The following UPP2 variants were observed in gnomAD, a reference collection of about 807,000 sequenced individuals.
UPP2 encodes uridine phosphorylase 2, also known as UPase 2.
In UPP2, 23 loss-of-function variants were observed where a neutral mutation model predicts 26.7. That is an observed-to-expected ratio of 0.86 (90% confidence interval 0.62 to 1.22). The LOEUF (loss-of-function observed/expected upper bound fraction) is 1.22, where lower values mean the gene tolerates loss of function less well. Ranked by LOEUF, UPP2 falls within the 50% of genes most tolerant of loss-of-function variation. The probability of loss-of-function intolerance (pLI) is 0.00; values close to 1 mark genes in which losing one functional copy is unlikely to be tolerated. For synonymous variants in UPP2, 127 were observed against 141.3 expected (o/e 0.90, Z 0.72); for missense variants, 387 against 396.7 (o/e 0.98, Z 0.21).
intron 2 of UPP2, among the ~76,000 whole-genome samples, chr2:157,999,979 A>G (rs1683379972): frequency 6.6e-6 from 1 of 152,164 alleles, no homozygotes; most frequent in Non-Finnish European, 1.5e-5. Flanking sequence ...GAGAAATGTC[A>G]AAAGTTATTA....
At chr2:158,018,021 G>C (rs1007428220) in intron 3 of UPP2, among the ~76,000 whole-genome samples, 1 of 152,160 alleles carries the variant, frequency 6.6e-6, no homozygotes, top group Admixed American at 6.5e-5. Context: ...TCATTTGGAT[G>C]TAATGATAAT....
intron 3 of UPP2, among the ~76,000 whole-genome samples, chr2:158,048,597 A>G (rs1011174540): frequency 1.3e-5 from 2 of 152,210 alleles, no homozygotes; most frequent in African/African-American, 4.8e-5. Context: ...GAATGAGACT[A>G]TGTCTCAAAC....
rs1683915349 is a variant in UPP2, at chr2:158,135,612, TGAG to T, written c.*727_*729del. ...ATTTTTTCTTGTAAAAAAAGTGTTT[TGAG>T]GAGGCTGTATTTTTTATTCCATTTC... On this transcript the variant is annotated 3_prime_UTR_variant, in exon 7 of 7. Coordinates refer to ENST00000005756, the MANE Select transcript of UPP2 (RefSeq NM_173355.4). 6.6e-6 allele frequency: 1 copy of T among 152,226 alleles called. No individual in the cohort carries two copies. The highest frequency in any genetic ancestry group is 2.4e-5 in the African/African-American group (1 of 41,462). The allele number at this position is 152,226 out of a possible 1,614,324, so 9.4% of individuals were successfully genotyped here. A position where few individuals can be genotyped will look rare whatever the true frequency, so the allele number is the denominator to read the frequency against.
chr2:158,022,106 G>C (rs1292912336), intron 3 of UPP2, among the ~76,000 whole-genome samples: 3 of 151,840 alleles, frequency 2.0e-5, no homozygotes, highest in African/African-American at 7.3e-5. Flanking sequence ...TAGATGAGTG[G>C]CTTCTACATT....
chr2:158,051,104 T>C (rs1041673950), intron 3 of UPP2, among the ~76,000 whole-genome samples: 14 of 151,614 alleles, frequency 9.2e-5, no homozygotes, highest in African/African-American at 3.4e-4. Flanking sequence ...TAAATATATC[T>C]ACTATGCACC....
Position 158,036,459 on chromosome 2 carries a change from C to G in UPP2, c.147+20573C>G, listed in dbSNP as rs139745235. Among the ~76,000 whole-genome samples the G allele has an allele frequency of 2.4e-3, 371 of 152,272 alleles. 7 individuals carry two copies. Among genetic ancestry groups the G allele is most frequent in the East Asian group, 5.6e-3 (29 of 5,174 alleles). ...GACCTCAATACAGAGCTCTCAGCAT[C>G]AGCATTCATCACCAGGCCATTAGTG... On this transcript the variant is annotated intron_variant, in intron 3 of 9. Transcript: ENST00000605860.
intron 3 of UPP2, among the ~76,000 whole-genome samples, chr2:158,083,913 A>C (rs1438508105): frequency 6.7e-6 from 1 of 148,792 alleles, no homozygotes; most frequent in Non-Finnish European, 1.5e-5. Flanking sequence ...ATGGTGATTG[A>C]GTGGCATTTG....
intron 1 of UPP2, among the ~76,000 whole-genome samples, chr2:158,104,728 C>A (rs1336197055): frequency 6.6e-6 from 1 of 151,970 alleles, no homozygotes; most frequent in Non-Finnish European, 1.5e-5. Context: ...TTGAGACCAT[C>A]CTGGCCAACA....
chr2:158,085,791 TG>T (rs1474815285), intron 3 of UPP2, among the ~76,000 whole-genome samples: 3 of 152,206 alleles, frequency 2.0e-5, no homozygotes, highest in Non-Finnish European at 4.4e-5. Context: ...TCTGTTTATG[TG>T]GTGTATCACA....
chr2:158,032,965 A>AG (rs530360098), intron 3 of UPP2, among the ~76,000 whole-genome samples: 1 of 152,064 alleles, frequency 6.6e-6, no homozygotes, highest in South Asian at 2.1e-4. Context: ...ACAGGCTTTT[A>AG]GGGGGAAATT....
At chr2:158,007,196 C>T (rs1045998441) in intron 2 of UPP2, among the ~76,000 whole-genome samples, 1 of 152,184 alleles carries the variant, frequency 6.6e-6, no homozygotes, top group Non-Finnish European at 1.5e-5. Context: ...CATCTTATAA[C>T]CCTATAATAA....
chr2:158,098,928 T>C (rs1250805632), upstream of UPP2, among the ~76,000 whole-genome samples: 1 of 152,210 alleles, frequency 6.6e-6, no homozygotes, highest in African/African-American at 2.4e-5. Flanking sequence ...TAAAAAATTG[T>C]ACACTCTTAA....
intron 2 of UPP2, among the ~76,000 whole-genome samples, chr2:158,109,221 T>G (rs752720441): frequency 1.6e-4 from 24 of 152,110 alleles, no homozygotes; most frequent in Admixed American, 4.6e-4. Flanking sequence ...ATAATCATTA[T>G]TAATACCATT....
chr2:158,114,317 G>GCTC (rs1177738321), intron 2 of UPP2, among the ~76,000 whole-genome samples: 1 of 152,106 alleles, frequency 6.6e-6, no homozygotes, highest in African/African-American at 2.4e-5. Flanking sequence ...GTGCTTCTCT[G>GCTC]CTCCTCTCCC....
At chr2:158,094,540 T>C (rs1343637642) in intron 3 of UPP2, among the ~76,000 whole-genome samples, 1 of 152,240 alleles carries the variant, frequency 6.6e-6, no homozygotes, top group Non-Finnish European at 1.5e-5. Context: ...ACCATGATTA[T>C]ACAACCAAGG....
intron 3 of UPP2, among the ~76,000 whole-genome samples, chr2:158,024,322 C>T (rs116817954): frequency 1.8e-3 from 277 of 152,332 alleles, no homozygotes; most frequent in African/African-American, 6.2e-3. Context: ...TTTAGAATAG[C>T]TTTCTTGCCC....
At chr2:158,024,229 A>G (rs918663100) in intron 3 of UPP2, among the ~76,000 whole-genome samples, 3 of 152,166 alleles carry the variant, frequency 2.0e-5, no homozygotes, top group African/African-American at 2.4e-5. Context: ...TGAGGAAGAC[A>G]AAGACCTGGG....
chr2:158,117,998 C>A, intron 4 of UPP2, 60 bp downstream of exon 4: 1 of 1,361,178 alleles, frequency 7.3e-7, no homozygotes, highest in Non-Finnish European at 1.0e-6. Context: ...TGGTAGCTGC[C>A]AAAATATAAC....
chr2:158,053,290 A>C (rs1459838871), intron 3 of UPP2, among the ~76,000 whole-genome samples: 1 of 152,188 alleles, frequency 6.6e-6, no homozygotes, highest in African/African-American at 2.4e-5. Context: ...AATAATACCT[A>C]ACATACACTG....
Sources: gnomAD v4.1 joint callset for allele counts (sites outside exome capture counted in the v4.1 genomes callset) on GRCh38, gnomAD v4.1.1 for gene constraint, MANE v1.5 for transcripts, NCBI Gene and HGNC (gene_info 2026-07-23, HGNC 2026-07-21) for gene names.